The following TAFA1 variants were observed in gnomAD, a reference collection of about 807,000 sequenced individuals.
The protein encoded by TAFA1 is chemokine-like protein TAFA-1.
A neutral mutation model predicts 18.5 loss-of-function variants in TAFA1; 4 were observed. That is an observed-to-expected ratio of 0.22 (90% CI 0.11 to 0.49). The LOEUF (loss-of-function observed/expected upper bound fraction) is 0.49. Among genes scored for constraint, TAFA1 ranks in the 20% least tolerant of loss-of-function variants. TAFA1 has a pLI of 0.98. For missense variants in TAFA1, 147 were observed against 169.0 expected (o/e 0.87, Z 0.72); for synonymous variants, 56 against 55.2 (o/e 1.01, Z -0.06).
intron 3 of TAFA1, among the ~76,000 whole-genome samples, chr3:68,498,565 G>C (rs1250821892): frequency 2.0e-5 from 3 of 152,012 alleles, no homozygotes; most frequent in African/African-American, 7.2e-5. Context: ...GTCTGACCTT[G>C]GCTGAAAACA....
At chr3:68,158,000 A>G (rs1217369260) in intron 2 of TAFA1, among the ~76,000 whole-genome samples, 1 of 152,198 alleles carries the variant, frequency 6.6e-6, no homozygotes, top group Non-Finnish European at 1.5e-5. Flanking sequence ...AACAAGTTCC[A>G]GAGATCAATA....
intron 2 of TAFA1, among the ~76,000 whole-genome samples, chr3:68,341,481 T>C (rs1298412712): frequency 2.6e-5 from 4 of 152,200 alleles, no homozygotes; most frequent in African/African-American, 9.6e-5. Flanking sequence ...GTTCAAACTC[T>C]TGCAGCTAGA....
intron 4 of TAFA1, among the ~76,000 whole-genome samples, chr3:68,542,527 A>C (rs1211248574): frequency 1.3e-5 from 2 of 152,132 alleles, no homozygotes; most frequent in Non-Finnish European, 2.9e-5. Context: ...TTCAGGAACA[A>C]TGGCTTAATT....
chr3:68,241,445 C>T (rs1283363911), intron 2 of TAFA1, among the ~76,000 whole-genome samples: 1 of 152,096 alleles, frequency 6.6e-6, no homozygotes, highest in African/African-American at 2.4e-5. Context: ...GTTGAGAAGT[C>T]CAACTCTTCA....
intron 2 of TAFA1, among the ~76,000 whole-genome samples, chr3:68,295,483 G>A (rs1339724098): frequency 2.0e-5 from 3 of 152,076 alleles, no homozygotes; most frequent in Non-Finnish European, 4.4e-5. Flanking sequence ...AGTGCTGTGT[G>A]TCTGTGTGTG....
At chr3:68,276,145 T>G (rs2067791819) in intron 2 of TAFA1, among the ~76,000 whole-genome samples, 1 of 150,996 alleles carries the variant, frequency 6.6e-6, no homozygotes. Flanking sequence ...ATTGGTAATT[T>G]AATAACCCAA....
At chr3:68,538,733 AG>A (rs1162266351) in intron 3 of TAFA1, 22 bp from the exon 4 acceptor site, 1 of 1,611,812 alleles carries the variant, frequency 6.2e-7, no homozygotes, top group Non-Finnish European at 8.5e-7. Flanking sequence ...TTGCAAACAC[AG>A]TTGTTTCCTG....
chr3:68,334,884 A>G (rs1326621655), intron 2 of TAFA1, among the ~76,000 whole-genome samples: 1 of 152,184 alleles, frequency 6.6e-6, no homozygotes, highest in Non-Finnish European at 1.5e-5. Context: ...GCAATTAAAT[A>G]CTTGACTCCA....
At chr3:68,021,114 A>G (rs1250935853) in intron 2 of TAFA1, among the ~76,000 whole-genome samples, 1 of 137,306 alleles carries the variant, frequency 7.3e-6, no homozygotes, top group Non-Finnish European at 1.5e-5. Flanking sequence ...TGAACCTGGG[A>G]GGCAGAGGCT....
chr3:68,239,915 A>C (rs904073231), intron 2 of TAFA1, among the ~76,000 whole-genome samples: 9 of 152,218 alleles, frequency 5.9e-5, no homozygotes, highest in African/African-American at 2.2e-4. Flanking sequence ...GCACCTTATA[A>C]ATAAATGGTG....
chr3:68,297,662 A>G (rs2107290988), intron 2 of TAFA1, among the ~76,000 whole-genome samples: 1 of 152,284 alleles, frequency 6.6e-6, no homozygotes, highest in East Asian at 1.9e-4. Flanking sequence ...GTCATTTTTG[A>G]AAATTATTTA....
At chr3:68,166,848 T>C (rs938136484) in intron 2 of TAFA1, among the ~76,000 whole-genome samples, 1 of 152,054 alleles carries the variant, frequency 6.6e-6, no homozygotes, top group African/African-American at 2.4e-5. Context: ...TATACGCTTG[T>C]ATAAGGGCCA....
At chr3:68,137,896 C>G (rs1383933235) in intron 2 of TAFA1, among the ~76,000 whole-genome samples, 7 of 152,040 alleles carry the variant, frequency 4.6e-5, no homozygotes, top group Admixed American at 3.9e-4. Flanking sequence ...CCTTGCTACT[C>G]CACAGTTACC....
chr3:68,399,466 CAAT>C (rs1466202106), intron 2 of TAFA1, among the ~76,000 whole-genome samples: 1 of 152,076 alleles, frequency 6.6e-6, no homozygotes, highest in Non-Finnish European at 1.5e-5. Flanking sequence ...TGCTAGGAAT[CAAT>C]GATGGTGAGT....
chr3:68,192,123 C>G (rs574352822), intron 2 of TAFA1, among the ~76,000 whole-genome samples: 3 of 151,904 alleles, frequency 2.0e-5, no homozygotes, highest in Non-Finnish European at 4.4e-5. Context: ...TCGCTCTAGT[C>G]CAACAACTAT....
At chr3:68,364,795 G>T (rs1388353191) in intron 2 of TAFA1, among the ~76,000 whole-genome samples, 13 of 152,142 alleles carry the variant, frequency 8.5e-5, no homozygotes, top group Non-Finnish European at 1.0e-4. Context: ...TAACTCTTCT[G>T]TTAACTTCTG....
At chr3:67,995,170 C>A in the TAFA1 span, among the ~76,000 whole-genome samples, 1 of 152,160 alleles carries the variant, frequency 6.6e-6, no homozygotes, top group Non-Finnish European at 1.5e-5. Flanking sequence ...ACACAGAGAA[C>A]ATATCTCTTA....
At chr3:68,082,198 G>A (rs148274618) in intron 2 of TAFA1, among the ~76,000 whole-genome samples, 2 of 152,086 alleles carry the variant, frequency 1.3e-5, no homozygotes, top group African/African-American at 4.8e-5. Context: ...CACCCACTGA[G>A]CTGCGCCCAC....
At chr3:68,503,250 T>A (rs2072690383) in intron 3 of TAFA1, among the ~76,000 whole-genome samples, 1 of 152,166 alleles carries the variant, frequency 6.6e-6, no homozygotes, top group Non-Finnish European at 1.5e-5. Flanking sequence ...GCGTAGGTTT[T>A]GTGTTTGGAT....
Sources: allele counts gnomAD v4.1 joint callset (sites outside exome capture counted in the v4.1 genomes callset), GRCh38; gene constraint gnomAD v4.1.1; transcripts MANE v1.5; gene names NCBI Gene and HGNC (gene_info 2026-07-23, HGNC 2026-07-21).